Variants in TUBB8 observed in about 807,000 individuals in gnomAD.
The protein encoded by TUBB8 is tubulin beta-8 chain.
TUBB8 carries 25 observed loss-of-function variants against 33.7 expected under a neutral mutation model. That is an observed-to-expected ratio of 0.74 (90% confidence interval 0.54 to 1.04). The LOEUF (loss-of-function observed/expected upper bound fraction) is 1.04. Ranked by LOEUF, TUBB8 falls within the 50% of genes least tolerant of loss-of-function variation. The probability of loss-of-function intolerance (pLI) is 0.00; values close to 1 mark genes in which losing one functional copy is unlikely to be tolerated. For synonymous variants in TUBB8, 245 were observed against 240.1 expected, an observed-to-expected ratio of 1.02 and a Z score of -0.19; for missense variants, 279 against 608.0, an observed-to-expected ratio of 0.46 and a Z score of 5.69.
intron 1 of TUBB8, among the ~76,000 whole-genome samples, chr10:65,374 T>G (rs1375377961): frequency 2.6e-5 from 4 of 152,244 alleles, no homozygotes; most frequent in African/African-American, 9.6e-5. Context: ...ACACTAGGAC[T>G]TGACATCACA....
downstream of TUBB8, among the ~76,000 whole-genome samples, chr10:46,613 C>G (rs1834329887): frequency 6.8e-6 from 1 of 147,250 alleles, no homozygotes; most frequent in Non-Finnish European, 1.5e-5. Flanking sequence ...GAAACATGGC[C>G]AGCTGGTCCC....
At chr10:71,173 G>C (rs557876481) in intron 1 of TUBB8, among the ~76,000 whole-genome samples, 3 of 152,042 alleles carry the variant, frequency 2.0e-5, no homozygotes, top group Non-Finnish European at 4.4e-5. Context: ...AAATTACCCA[G>C]GCATCATGGC....
intron 1 of TUBB8, among the ~76,000 whole-genome samples, chr10:70,299 ATACTTT>A (rs1451775500): frequency 2.6e-5 from 4 of 151,790 alleles, no homozygotes; most frequent in Non-Finnish European, 4.4e-5. Flanking sequence ...TTTTATTATT[ATACTTT>A]AAGTTTTAGG....
intron 1 of TUBB8, among the ~76,000 whole-genome samples, chr10:62,691 C>T (rs1431308933): frequency 3.9e-5 from 6 of 152,190 alleles, no homozygotes; most frequent in Non-Finnish European, 7.4e-5. Flanking sequence ...TAATGAAATA[C>T]CTCAGTTTTT....
upstream of TUBB8, among the ~76,000 whole-genome samples, chr10:52,516 T>C (rs1479089456): frequency 6.6e-6 from 1 of 152,256 alleles, no homozygotes; most frequent in Non-Finnish European, 1.5e-5. Context: ...CAGGAATGCA[T>C]TGTCTTTTGT....
At chr10:58,828 G>T (rs1487187473) in intron 1 of TUBB8, among the ~76,000 whole-genome samples, 1 of 152,130 alleles carries the variant, frequency 6.6e-6, no homozygotes, top group Admixed American at 6.6e-5. Context: ...CCTATCAGAG[G>T]AGTCTTTATG....
At chr10:64,019 T>G (rs1834635224) in intron 1 of TUBB8, among the ~76,000 whole-genome samples, 1 of 152,194 alleles carries the variant, frequency 6.6e-6, no homozygotes, top group Non-Finnish European at 1.5e-5. Flanking sequence ...TTTGGTGGCC[T>G]TGGATTAACA....
In TUBB8 at chr10:63,228, C is replaced by T. The variant is rs551418921; in HGVS notation, c.-846+10741G>A. Reference sequence around the variant, plus strand: ...AGCTGGGACTACAGGTACCCACCACCGCGCCCAGCTAATTTCTTTTTGTAT... The same window carrying T: ...AGCTGGGACTACAGGTACCCACCACTGCGCCCAGCTAATTTCTTTTTGTAT... On this transcript the variant is annotated intron_variant, in intron 1 of 3. Transcript: ENST00000564130. 1.1e-4 allele frequency among the ~76,000 whole-genome samples: 16 copies of T among 152,280 alleles called. No individual in the cohort carries two copies. The East Asian group carries it at 1.5e-3, about 15-fold the overall frequency.
intron 1 of TUBB8, among the ~76,000 whole-genome samples, chr10:58,066 A>G (rs543964712): frequency 6.6e-6 from 1 of 152,362 alleles, no homozygotes; most frequent in African/African-American, 2.4e-5. Flanking sequence ...TTTTTCCAAC[A>G]GAAACCCTAA....
intron 1 of TUBB8, 123 bp downstream of exon 1, chr10:49,059 T>A (rs1279592778): frequency 1.5e-5 from 19 of 1,306,776 alleles, no homozygotes; most frequent in Non-Finnish European, 1.9e-5. Flanking sequence ...AGCCACCCGG[T>A]TCCACCGTCC....
rs782464508 is a variant in TUBB8 at position 47,192 on chromosome 10, G to T, written c.1200C>A (p.Gly400=). 1.9e-6 allele frequency: 3 copies of T among 1,611,368 alleles called. No homozygotes were observed. Among genetic ancestry groups the T allele is most frequent in the Non-Finnish European group, 8.5e-7 (1 of 1,179,048 alleles). ...TGAATTCCATCTCATCCATGCCCTC[G>T]CCCGTGTACCAGTGGAGGAAGGCCT... ...RRKAFLHWYT[G]EGMDEMEFTE... The change falls in exon 4 of 4, where the codon GGC becomes GGA. Residue 400 remains glycine, a synonymous_variant. Coordinates refer to ENST00000568584, the MANE Select transcript of TUBB8 (RefSeq NM_177987.3).
chr10:49,210 C>A lies in TUBB8; in HGVS notation c.29G>T (p.Gly10Val). ...GGCGCCGATCTGATTCCCGCACTGC[C>A]CGATCTGCGTGAGCACGATCTCCCT... is the stretch of plus-strand genomic sequence containing the variant. MREIVLTQI[G>V]QCGNQIGAKF... The change falls in exon 1 of 4, where the codon GGG (glycine) becomes GTG (valine). Residue 10 changes from glycine to valine, a missense_variant. Around this residue, in one of 4 missense-constraint regions of TUBB8, gnomAD observed 56 missense variants for 77.9 expected, o/e 0.72. Coordinates refer to ENST00000568584, the MANE Select transcript of TUBB8 (RefSeq NM_177987.3). 6.3e-7 allele frequency: 1 copy of A among 1,582,606 alleles called. No individual in the cohort carries two copies. Among genetic ancestry groups the A allele is most frequent in the South Asian group, 1.2e-5 (1 of 86,800 alleles).
At chr10:74,625 C>CAAAAAAAAAAAAAAAAAGAAAAA (rs1834784652), upstream of TUBB8, among the ~76,000 whole-genome samples, 1 of 89,680 alleles carries the variant, frequency 1.1e-5, no homozygotes, top group Non-Finnish European at 2.2e-5. Flanking sequence ...GACTCAGTAT[C>CAAAAAAAAAAAAAAAAAGAAAAA]AAAAAAAAAA....
intron 1 of TUBB8, among the ~76,000 whole-genome samples, chr10:65,593 C>T (rs556412211): frequency 1.4e-4 from 21 of 152,274 alleles, no homozygotes; most frequent in East Asian, 3.9e-4. Context: ...GGCGTGGTGG[C>T]GGGAGCCTGT....
upstream of TUBB8, among the ~76,000 whole-genome samples, chr10:50,790 C>T (rs187041114): frequency 1.6e-4 from 24 of 152,330 alleles, no homozygotes; most frequent in Admixed American, 1.5e-3. Flanking sequence ...CTGCTGAGGT[C>T]GAAGCCAGCA....
chr10:55,131 T>C (rs1413547464), intron 1 of TUBB8, among the ~76,000 whole-genome samples: 2 of 152,204 alleles, frequency 1.3e-5, no homozygotes, highest in Non-Finnish European at 2.9e-5. Context: ...TCAGGAAACT[T>C]ACAGTCATGG....
At chr10:57,407 G>C (rs1834545427) in intron 1 of TUBB8, among the ~76,000 whole-genome samples, 1 of 152,234 alleles carries the variant, frequency 6.6e-6, no homozygotes, top group Admixed American at 6.5e-5. Flanking sequence ...TGTTTTAGTA[G>C]AGGTTCTTCA....
At chr10:55,442 G>A (rs191737386) in intron 1 of TUBB8, among the ~76,000 whole-genome samples, 341 of 152,274 alleles carry the variant, frequency 2.2e-3, no homozygotes, top group African/African-American at 7.6e-3. Flanking sequence ...CATTCTGTGG[G>A]TTTTCTCTTC....
chr10:55,692 C>T (rs1834521811), intron 1 of TUBB8, among the ~76,000 whole-genome samples: 1 of 152,234 alleles, frequency 6.6e-6, no homozygotes, highest in Admixed American at 6.5e-5. Flanking sequence ...TCCAGTTTCA[C>T]TCTTCTGCCT....
Sources: gnomAD v4.1 joint callset for allele counts (sites outside exome capture counted in the v4.1 genomes callset) on GRCh38, gnomAD v4.1.1 for gene constraint, gnomAD v4.1.1 regional missense constraint, MANE v1.5 for transcripts, NCBI Gene and HGNC (gene_info 2026-07-23, HGNC 2026-07-21) for gene names.